The following ADAMTSL1 variants were observed in gnomAD, a reference collection of about 807,000 sequenced individuals.
The protein encoded by ADAMTSL1 is ADAMTS-like protein 1.
A neutral mutation model predicts 201.8 loss-of-function variants in ADAMTSL1; 126 were observed. The ratio of observed to expected loss-of-function variants is 0.62; its 90% CI spans 0.54 to 0.72. ADAMTSL1 has a LOEUF of 0.72. Among genes scored for constraint, ADAMTSL1 ranks in the 30% least tolerant of loss-of-function variants. ADAMTSL1 has a pLI of 0.00. For synonymous variants in ADAMTSL1, 1,121 were observed against 903.4 expected (o/e 1.24, Z -4.32); for missense variants, 2,679 against 2,277.8 (o/e 1.18, Z -3.59).
intron 1 of ADAMTSL1, among the ~76,000 whole-genome samples, chr9:18,021,948 A>G (rs529899414): frequency 1.7e-3 from 266 of 152,312 alleles, no homozygotes; most frequent in Non-Finnish European, 1.8e-3. Context: ...AAGAATGTTC[A>G]TAATGAAAGC....
chr9:18,094,964 A>G (rs1431007369), intron 1 of ADAMTSL1, among the ~76,000 whole-genome samples: 1 of 152,188 alleles, frequency 6.6e-6, no homozygotes, highest in Non-Finnish European at 1.5e-5. Context: ...AAAAATATAA[A>G]GACTAGAATT....
At chr9:18,688,249 G>A (rs1026212885) in intron 13 of ADAMTSL1, among the ~76,000 whole-genome samples, 8 of 151,340 alleles carry the variant, frequency 5.3e-5, no homozygotes, top group African/African-American at 1.2e-4. Flanking sequence ...TCAGCCTCCC[G>A]CATAGCTGGG....
At position 18,777,271 on chromosome 9, in the gene ADAMTSL1, C is replaced by A; in HGVS notation, c.3042C>A (p.Ala1014=). 1.2e-6 allele frequency: 2 copies of A among 1,609,438 alleles called. No individual in the cohort carries two copies. Among genetic ancestry groups the A allele is most frequent in the Non-Finnish European group, 1.7e-6 (2 of 1,178,486 alleles). ...GCAAGGCGGAGAAGCGGGGCCTGGC[C>A]GCCAACCCGGGGAGCCGCTACGACG... The part of the protein sequence containing the change: ...NGSKAEKRGL[A]ANPGSRYDDL... The change falls in exon 19 of 29, where the codon GCC becomes GCA. Residue 1014 remains alanine (A), a synonymous_variant. Coordinates refer to ENST00000380548, the MANE Select transcript of ADAMTSL1 (RefSeq NM_001040272.6).
intron 17 of ADAMTSL1, among the ~76,000 whole-genome samples, chr9:18,773,391 T>TC (rs1006468774): frequency 6.7e-6 from 1 of 150,054 alleles, no homozygotes; most frequent in African/African-American, 2.4e-5. Context: ...GTTGCTCCTT[T>TC]CCCCCCAAAA....
intron 16 of ADAMTSL1, among the ~76,000 whole-genome samples, chr9:18,756,098 T>C (rs1300709331): frequency 1.4e-5 from 1 of 70,974 alleles, no homozygotes; most frequent in African/African-American, 5.3e-5. Flanking sequence ...TATATATATA[T>C]ATATATATAT....
intron 7 of ADAMTSL1, among the ~76,000 whole-genome samples, chr9:18,649,908 G>T (rs1828102006): frequency 6.6e-6 from 1 of 152,128 alleles, no homozygotes; most frequent in Non-Finnish European, 1.5e-5. Flanking sequence ...GAGAACCACT[G>T]CTCTCTTCAA....
intron 1 of ADAMTSL1, among the ~76,000 whole-genome samples, chr9:18,503,251 T>C (rs147496010): frequency 6.9e-4 from 105 of 151,888 alleles, no homozygotes; most frequent in African/African-American, 2.4e-3. Flanking sequence ...ACACAGACAT[T>C]TCTGTGTCTA....
intron 2 of ADAMTSL1, among the ~76,000 whole-genome samples, chr9:18,453,833 T>C (rs1040272404): frequency 3.9e-5 from 6 of 152,190 alleles, no homozygotes; most frequent in Non-Finnish European, 8.8e-5. Flanking sequence ...CTCTGTGCTA[T>C]TAGAAGCAGA....
At chr9:18,476,773 C>G (rs1220342552) in intron 1 of ADAMTSL1, among the ~76,000 whole-genome samples, 1 of 152,032 alleles carries the variant, frequency 6.6e-6, no homozygotes, top group Non-Finnish European at 1.5e-5. Context: ...AATTGGAAAA[C>G]ATCCTGTCTA....
chr9:18,661,908 A>G, intron 8 of ADAMTSL1, 27 bp from the exon 9 acceptor site: 1 of 1,601,584 alleles, frequency 6.2e-7, no homozygotes, highest in Admixed American at 1.7e-5. Context: ...GTACATTTAA[A>G]CTTGCCTGGA....
chr9:18,070,238 GA>G (rs1394788198), intron 1 of ADAMTSL1, among the ~76,000 whole-genome samples: 1 of 152,168 alleles, frequency 6.6e-6, no homozygotes, highest in East Asian at 1.9e-4. Context: ...GCTGAGGGAG[GA>G]AAACATGTCC....
At chr9:18,085,148 G>A (rs747072813) in intron 1 of ADAMTSL1, among the ~76,000 whole-genome samples, 71 of 152,218 alleles carry the variant, frequency 4.7e-4, no homozygotes, top group South Asian at 8.3e-4. Flanking sequence ...TAGGGAATGT[G>A]TAGAGAGAGG....
At chr9:18,544,346 A>G (rs538067392) in intron 3 of ADAMTSL1, among the ~76,000 whole-genome samples, 1 of 152,300 alleles carries the variant, frequency 6.6e-6, no homozygotes, top group East Asian at 1.9e-4. Flanking sequence ...TTCCTTGGCT[A>G]AGGACAATTT....
At chr9:18,647,894 C>G (rs1252280798) in intron 7 of ADAMTSL1, among the ~76,000 whole-genome samples, 3 of 150,836 alleles carry the variant, frequency 2.0e-5, no homozygotes, top group African/African-American at 4.9e-5. Context: ...CTGTAGATGT[C>G]TATTAGGTCC....
intron 2 of ADAMTSL1, among the ~76,000 whole-genome samples, chr9:18,512,784 C>T (rs762731925): frequency 6.6e-5 from 10 of 152,106 alleles, no homozygotes; most frequent in Admixed American, 5.9e-4. Flanking sequence ...TATATTAATG[C>T]TTTCTTTTCC....
intron 15 of ADAMTSL1, among the ~76,000 whole-genome samples, chr9:18,747,200 C>G (rs1455811265): frequency 6.6e-6 from 1 of 152,168 alleles, no homozygotes; most frequent in East Asian, 1.9e-4. Context: ...AATGCTGATT[C>G]TCTTGTTTAC....
intron 1 of ADAMTSL1, among the ~76,000 whole-genome samples, chr9:18,048,781 T>C (rs1202904148): frequency 2.6e-5 from 4 of 152,190 alleles, no homozygotes; most frequent in Non-Finnish European, 4.4e-5. Context: ...CACATAGTCA[T>C]GTGCTTCAGG....
chr9:18,647,690 A>C (rs1479930048), intron 7 of ADAMTSL1, among the ~76,000 whole-genome samples: 2 of 149,904 alleles, frequency 1.3e-5, no homozygotes, highest in African/African-American at 4.9e-5. Flanking sequence ...CATGTAGTTG[A>C]GTGGTTTTGA....
At chr9:18,614,077 G>T (rs1303932468) in intron 4 of ADAMTSL1, among the ~76,000 whole-genome samples, 1 of 152,150 alleles carries the variant, frequency 6.6e-6, no homozygotes, top group African/African-American at 2.4e-5. Context: ...AGATGAGAAA[G>T]TGTTTGTTGT....
Sources: gnomAD v4.1 joint callset for allele counts (sites outside exome capture counted in the v4.1 genomes callset) on GRCh38, gnomAD v4.1.1 for gene constraint, MANE v1.5 for transcripts, NCBI Gene and HGNC (gene_info 2026-07-23, HGNC 2026-07-21) for gene names.